The following OTOF variants were observed in gnomAD, a reference collection of about 807,000 sequenced individuals.
OTOF encodes the protein fer-1-like family member 2.
OTOF carries 218 observed loss-of-function variants against 236.8 expected under a neutral mutation model. The observed-to-expected ratio is 0.92, with a 90% confidence interval of 0.82 to 1.03. The LOEUF (loss-of-function observed/expected upper bound fraction) is 1.03, where lower values mean the gene tolerates loss of function less well. Among genes scored for constraint, OTOF ranks in the 50% least tolerant of loss-of-function variants. OTOF has a pLI of 0.00. For missense variants in OTOF, 2,590 were observed against 2,694.4 expected (o/e 0.96, Z 0.86); for synonymous variants, 1,041 against 1,072.5 (o/e 0.97, Z 0.57).
intron 14 of OTOF, 42 bp from the exon 15 acceptor site, chr2:26,481,051 C>T (rs1392288511): frequency 1.3e-6 from 2 of 1,490,672 alleles, no homozygotes; most frequent in Admixed American, 1.7e-5. Context: ...GCGTCACATC[C>T]AGTTTCCCTG....
intron 5 of OTOF, among the ~76,000 whole-genome samples, 189 bp downstream of exon 5, chr2:26,516,229 A>G (rs1477657703): frequency 1.3e-5 from 2 of 151,958 alleles, no homozygotes; most frequent in Non-Finnish European, 2.9e-5. Flanking sequence ...CTGCCCAGTG[A>G]CCTCGGGGGT....
Position 26,479,569 on chromosome 2 carries a change from T to C in OTOF, c.1997A>G (p.Asp666Gly). 2 of 1,612,676 alleles carry C rather than the reference T, an allele frequency of 1.2e-6. No individual in the cohort carries two copies. Among genetic ancestry groups the C allele is most frequent in the Admixed American group, 1.7e-5 (1 of 60,014 alleles). ...GTCATCACTTGCGTTCTGAATCAGG[T>C]CTACTTCTTCCTCATCCCCCGGCTC... ...RKEPGDEEEV[D>G]LIQNASDDEA... Residue 666 changes from aspartate to glycine, a missense_variant, in exon 17 of 47, where the codon GAC becomes GGC. Asp to Gly is a moderately conservative substitution (Grantham distance 94, BLOSUM62 -1). This residue lies in a region of OTOF where 1,379 missense variants were observed against 1,341.6 expected (regional missense o/e 1.03). Transcript: ENST00000272371.
intron 18 of OTOF, 119 bp downstream of exon 18, chr2:26,479,145 G>A (rs1665446069): frequency 1.6e-5 from 21 of 1,326,182 alleles, no homozygotes; most frequent in Non-Finnish European, 2.1e-5. Flanking sequence ...CAGAGGTCCT[G>A]CTGGGGCCGT....
intron 13 of OTOF, among the ~76,000 whole-genome samples, chr2:26,483,072 CGT>C (rs369879258): frequency 1.4e-3 from 181 of 126,494 alleles, no homozygotes; most frequent in African/African-American, 5.3e-3. Context: ...GGTGTGTGTG[CGT>C]GTGTGAATGG....
In OTOF at chr2:26,473,318, T is replaced by C; in HGVS notation, c.3571-24A>G. On this transcript the variant is annotated intron_variant, in intron 28 of 46. Transcript: ENST00000272371. The surrounding 1 kb of genome is among the most constrained non-coding windows in gnomAD (Gnocchi z 7.2). ...TCCTGGGGTGTTGGCGACAGGAGCC[T>C]GAGCCTCCAAGAAGGGGCAGAGGAA... 6.2e-6 allele frequency: 10 copies of C among 1,613,152 alleles called. No individual in the cohort carries two copies. Among genetic ancestry groups the C allele is most frequent in the Non-Finnish European group, 8.5e-6 (10 of 1,179,880 alleles).
At position 26,463,138 on chromosome 2, in the gene OTOF, T is replaced by C. The variant is rs550261255; in HGVS notation, c.5192+345A>G. On this transcript the variant is annotated intron_variant, in intron 41 of 46. Transcript: ENST00000272371. ...TGTGTGTGGGTGTCCGTGGGAGTGCTATGCTGTGTGTGTGTGTGTGCATGA... is the reference window on the plus strand; with the variant it reads ...TGTGTGTGGGTGTCCGTGGGAGTGCCATGCTGTGTGTGTGTGTGTGCATGA... 3.3e-5 allele frequency among the ~76,000 whole-genome samples: 5 copies of C among 152,226 alleles called. No individual in the cohort carries two copies. In the South Asian group the frequency reaches 1.0e-3, roughly 32 times the overall value.
intron 29 of OTOF, 141 bp downstream of exon 29, chr2:26,472,991 C>T: frequency 1.1e-6 from 1 of 934,326 alleles, no homozygotes; most frequent in African/African-American, 1.6e-5. Context: ...CTTCCTTGGC[C>T]ACCAGGGTGA....
In OTOF at chr2:26,484,538, C is replaced by T; in HGVS notation, c.1141G>A (p.Gly381Ser). The T allele has an allele frequency of 6.2e-7, 1 of 1,614,018 alleles. No individual in the cohort carries two copies. The highest frequency in any genetic ancestry group is 8.5e-7 in the Non-Finnish European group (1 of 1,180,022). The change falls in exon 12 of 47, where the codon GGC becomes AGC. Residue 381 changes from glycine to serine, a missense_variant. Gly to Ser is a moderately conservative substitution (Grantham distance 56). Coordinates refer to ENST00000272371, the MANE Select transcript of OTOF (RefSeq NM_194248.3). Reference sequence around the variant, plus strand: ...GGCGTCTTGATGTTGTCCCCTTTGCCCACCACGGCAACGTCACACTTCACG... The same window carrying T: ...GGCGTCTTGATGTTGTCCCCTTTGCTCACCACGGCAACGTCACACTTCACG... The part of the protein sequence containing the change: ...GYVKCDVAVV[G>S]KGDNIKTPHK...
rs1445803301 is a variant in OTOF, at chr2:26,527,852, G to A, written c.207C>T (p.Tyr69=). ...NEMLEIQVFN[Y]SKVFSNKLIG... ...CTTACTTGTTGCTGAAGACTTTGCT[G>A]TAGTTGAAAACCTGAATCTCCAGCA... Residue 69 remains tyrosine (Y), a synonymous_variant, in exon 3 of 47, where the codon TAC becomes TAT. Transcript: ENST00000272371. The A allele has an allele frequency of 6.2e-6, 10 of 1,613,410 alleles. No homozygotes were observed. The highest frequency in any genetic ancestry group is 1.3e-5 in the African/African-American group (1 of 74,902).
chr2:26,464,521 C>T (rs559537722), intron 39 of OTOF, among the ~76,000 whole-genome samples: 2 of 152,236 alleles, frequency 1.3e-5, no homozygotes, highest in Admixed American at 1.3e-4. Flanking sequence ...TGGACCTGGG[C>T]CGATGCCCTC....
intron 2 of OTOF, among the ~76,000 whole-genome samples, chr2:26,537,146 G>A (rs993555800): frequency 3.9e-5 from 6 of 152,212 alleles, no homozygotes; most frequent in Admixed American, 2.0e-4. Context: ...TTTTCTCATG[G>A]AACCCCCAGA....
Position 26,473,238 on chromosome 2 carries a change from G to A in OTOF, c.3627C>T (p.Cys1209=), listed in dbSNP as rs1358983177. The A allele has an allele frequency of 2.4e-5, 38 of 1,613,430 alleles. No homozygotes were observed. The East Asian group carries it at 8.5e-4, about 36-fold the overall frequency. The change falls in exon 29 of 47, where the codon TGC becomes TGT. Residue 1209 remains cysteine, a synonymous_variant. Transcript: ENST00000272371. This position sits in a 1 kb window ranked among gnomAD's most constrained non-coding sequence, Gnocchi z 7.2. ...HPPLNIRVVD[C]RAFGRYTLVG... is the part of the protein sequence containing the mutation. ...CCAGTGTGTAGCGACCGAAGGCCCG[G>A]CAGTCCACCACACGGATGTTCAAGG...
intron 2 of OTOF, among the ~76,000 whole-genome samples, chr2:26,528,914 C>T (rs148380001): frequency 6.6e-6 from 1 of 152,348 alleles, no homozygotes; most frequent in East Asian, 1.9e-4. Flanking sequence ...TCCCCAGTGG[C>T]ATCTGCAGGG....
At chr2:26,491,219 A>T (rs905343135) in intron 9 of OTOF, among the ~76,000 whole-genome samples, 1 of 152,170 alleles carries the variant, frequency 6.6e-6, no homozygotes, top group African/African-American at 2.4e-5. Context: ...GAGGAGGATG[A>T]CATGGACATT....
At chr2:26,526,581 T>C (rs189002487) in intron 3 of OTOF, among the ~76,000 whole-genome samples, 4 of 152,338 alleles carry the variant, frequency 2.6e-5, no homozygotes, top group Admixed American at 6.5e-5. Flanking sequence ...CCATTTGTTA[T>C]AAGGTAACAC....
chr2:26,548,157 T>G (rs1667377960), intron 1 of OTOF, among the ~76,000 whole-genome samples: 1 of 152,238 alleles, frequency 6.6e-6, no homozygotes, highest in Non-Finnish European at 1.5e-5. Flanking sequence ...TGTGTTTTCT[T>G]GCTTTTTATT....
intron 4 of OTOF, among the ~76,000 whole-genome samples, chr2:26,517,196 TGG>T (rs1666554694): frequency 6.6e-6 from 1 of 152,160 alleles, no homozygotes; most frequent in Non-Finnish European, 1.5e-5. Context: ...GGCTTAGCAG[TGG>T]AGAGTCATGA....
chr2:26,465,736 C>T lies in OTOF; in HGVS notation c.4735G>A (p.Asp1579Asn), dbSNP rs772890703. The change falls in exon 38 of 47, where the codon GAC becomes AAC. Residue 1579 changes from aspartate (D) to asparagine (N), a missense_variant. This residue lies in a region of OTOF where 1,211 missense variants were observed against 1,352.8 expected (regional missense o/e 0.90). Transcript: ENST00000272371. The stretch of plus-strand genomic sequence containing the variant: ...TTGCTGTAGAAGCGGTTCTCCAGGT[C>T]GATCTTGGTTTCCCCAATGAGGTCA... ...TDDLIGETKI[D>N]LENRFYSKHR... 1.2e-6 allele frequency: 2 copies of T among 1,614,122 alleles called. No homozygotes were observed. The highest frequency in any genetic ancestry group is 1.3e-5 in the African/African-American group (1 of 74,940).
chr2:26,547,051 G>T (rs114615578), intron 1 of OTOF, among the ~76,000 whole-genome samples: 3 of 152,168 alleles, frequency 2.0e-5, no homozygotes, highest in Admixed American at 2.0e-4. Flanking sequence ...GAAGTGGTGA[G>T]AGTAGAAAAC....
Sources: gnomAD v4.1 joint callset for allele counts (sites outside exome capture counted in the v4.1 genomes callset) on GRCh38, gnomAD v4.1.1 for gene constraint, gnomAD v4.1.1 regional missense constraint, Gnocchi (gnomAD v3.1) non-coding constraint, MANE v1.5 for transcripts, NCBI Gene and HGNC (gene_info 2026-07-23, HGNC 2026-07-21) for gene names.